ANKS1B: variants seen among roughly 807,000 people sequenced by gnomAD.
ANKS1B encodes the protein ankyrin repeat and sterile alpha motif domain containing 1B.
Under a neutral mutation model 148.3 loss-of-function variants are expected in ANKS1B, and 36 were observed. That is an observed-to-expected ratio of 0.24 (90% CI 0.19 to 0.32). The LOEUF (loss-of-function observed/expected upper bound fraction) is 0.32, where lower values mean the gene tolerates loss of function less well. Ranked by LOEUF, ANKS1B falls within the 10% of genes least tolerant of loss-of-function variation. The pLI, the probability that ANKS1B is intolerant of heterozygous loss-of-function variation, is 1.00. For synonymous variants in ANKS1B, 542 were observed against 560.8 expected (o/e 0.97, Z 0.47); for missense variants, 1,157 against 1,542.6 (o/e 0.75, Z 4.19).
intron 17 of ANKS1B, among the ~76,000 whole-genome samples, chr12:98,885,512 A>C (rs1029716341): frequency 6.6e-6 from 1 of 152,248 alleles, no homozygotes; most frequent in African/African-American, 2.4e-5. Context: ...AAGAAGATCA[A>C]AGGGCTGATT....
chr12:99,028,307 A>C (rs1361394762), intron 17 of ANKS1B, among the ~76,000 whole-genome samples: 1 of 152,206 alleles, frequency 6.6e-6, no homozygotes, highest in Non-Finnish European at 1.5e-5. Context: ...TGAAATGACA[A>C]AGATCATGGG....
At chr12:98,930,619 A>G (rs2099812827) in intron 17 of ANKS1B, among the ~76,000 whole-genome samples, 1 of 152,160 alleles carries the variant, frequency 6.6e-6, no homozygotes, top group African/African-American at 2.4e-5. Context: ...AAGTACTTAT[A>G]CATACTATAA....
At chr12:98,757,461 T>C (rs1276693693) in intron 25 of ANKS1B, among the ~76,000 whole-genome samples, 7 of 152,220 alleles carry the variant, frequency 4.6e-5, no homozygotes, top group Admixed American at 1.3e-4. Context: ...AGAAGGCTGG[T>C]TGGACCCTCA....
rs138669422 is a variant in ANKS1B, at chr12:99,385,185, T to C, written c.1756+14446A>G. On this transcript the variant is annotated intron_variant, in intron 12 of 26. Transcript: ENST00000683438. ...AAGATTAATCTTAAAGTGCAACTAA[T>C]AGGCTGAGTGTAGTGGCTCACGCCT... 4.5e-4 allele frequency among the ~76,000 whole-genome samples: 67 copies of C among 150,376 alleles called. 1 individual carries two copies. The East Asian group carries it at 0.012, about 28-fold the overall frequency.
chr12:98,844,432 TG>T (rs1362480530), intron 17 of ANKS1B, among the ~76,000 whole-genome samples: 9 of 152,206 alleles, frequency 5.9e-5, no homozygotes, highest in Non-Finnish European at 1.2e-4. Context: ...CAGCCAGCCA[TG>T]CACCTTTTCC....
intron 22 of ANKS1B, among the ~76,000 whole-genome samples, chr12:98,782,588 T>C (rs1233124238): frequency 6.6e-6 from 1 of 152,236 alleles, no homozygotes; most frequent in East Asian, 1.9e-4. Flanking sequence ...CTCATTGAAC[T>C]CAATGATGAG....
At chr12:99,353,144 T>C (rs1191894046) in intron 12 of ANKS1B, among the ~76,000 whole-genome samples, 1 of 151,996 alleles carries the variant, frequency 6.6e-6, no homozygotes, top group Non-Finnish European at 1.5e-5. Flanking sequence ...ACCAGACCAA[T>C]CTCATTAGAG....
At chr12:99,152,585 A>T (rs1019862530) in intron 15 of ANKS1B, among the ~76,000 whole-genome samples, 2 of 152,108 alleles carry the variant, frequency 1.3e-5, no homozygotes, top group African/African-American at 4.8e-5. Context: ...CGAGGCTTTC[A>T]AAAAGGTATT....
chr12:99,074,998 G>T (rs1481813317), intron 16 of ANKS1B, among the ~76,000 whole-genome samples: 1 of 152,152 alleles, frequency 6.6e-6, no homozygotes, highest in Non-Finnish European at 1.5e-5. Context: ...ATCCCAGAGA[G>T]AAGATGTTGT....
At chr12:99,900,789 C>T (rs984497178) in intron 1 of ANKS1B, among the ~76,000 whole-genome samples, 1 of 152,132 alleles carries the variant, frequency 6.6e-6, no homozygotes, top group Non-Finnish European at 1.5e-5. Flanking sequence ...ATACTTGCTA[C>T]TCTACTTGAT....
intron 12 of ANKS1B, among the ~76,000 whole-genome samples, chr12:99,335,926 G>C (rs1223007375): frequency 6.6e-6 from 1 of 151,998 alleles, no homozygotes; most frequent in Non-Finnish European, 1.5e-5. Flanking sequence ...TTAATTTTTT[G>C]AAGAACCTCC....
intron 14 of ANKS1B, among the ~76,000 whole-genome samples, chr12:99,187,439 G>C (rs935584972): frequency 6.6e-6 from 1 of 152,166 alleles, no homozygotes; most frequent in African/African-American, 2.4e-5. Context: ...GGCAGCCAGA[G>C]AGAAAGGTTA....
chr12:99,744,032 C>A (rs554500128), intron 8 of ANKS1B, among the ~76,000 whole-genome samples: 1 of 152,280 alleles, frequency 6.6e-6, no homozygotes, highest in South Asian at 2.1e-4. Flanking sequence ...GGTTCCACGT[C>A]TGCAGACAAG....
At chr12:99,386,661 G>A (rs1377779999) in intron 12 of ANKS1B, among the ~76,000 whole-genome samples, 1 of 152,144 alleles carries the variant, frequency 6.6e-6, no homozygotes, top group Non-Finnish European at 1.5e-5. Context: ...TGAAATTAAT[G>A]ATTTTGGAAA....
At chr12:99,657,617 G>C (rs1226343481) in intron 8 of ANKS1B, among the ~76,000 whole-genome samples, 1 of 146,332 alleles carries the variant, frequency 6.8e-6, no homozygotes, top group East Asian at 2.1e-4. Flanking sequence ...AAAAAATCTT[G>C]GGAAATTTAA....
intron 9 of ANKS1B, among the ~76,000 whole-genome samples, chr12:99,529,764 G>C (rs765452501): frequency 3.4e-5 from 5 of 148,066 alleles, no homozygotes; most frequent in Non-Finnish European, 7.4e-5. Flanking sequence ...GCTAGTTCAA[G>C]CTTCATCAGC....
chr12:98,808,057 G>A (rs1238111239), intron 19 of ANKS1B, 139 bp from the exon 20 acceptor site: 1 of 628,124 alleles, frequency 1.6e-6, no homozygotes, highest in Non-Finnish European at 2.7e-6. Context: ...ATGTTTTAGG[G>A]TGCTCAAGGT....
intron 4 of ANKS1B, among the ~76,000 whole-genome samples, chr12:99,799,131 A>T (rs1461009657): frequency 6.6e-6 from 1 of 152,030 alleles, no homozygotes; most frequent in Non-Finnish European, 1.5e-5. Flanking sequence ...TTACTGCTAT[A>T]TCCTCTGGCA....
At chr12:99,909,059 A>G (rs963252750) in intron 1 of ANKS1B, among the ~76,000 whole-genome samples, 8 of 149,274 alleles carry the variant, frequency 5.4e-5, no homozygotes, top group African/African-American at 2.0e-4. Context: ...CTCTGTGTCT[A>G]TATATTCAAC....
Sources: allele counts gnomAD v4.1 joint callset (sites outside exome capture counted in the v4.1 genomes callset), GRCh38; gene constraint gnomAD v4.1.1; transcripts MANE v1.5; gene names NCBI Gene and HGNC (gene_info 2026-07-23, HGNC 2026-07-21).